NRG1: variants seen among roughly 807,000 people sequenced by gnomAD.
NRG1 encodes pro-neuregulin-1, membrane-bound isoform.
In NRG1, 18 loss-of-function variants were observed where a neutral mutation model predicts 63.8. The observed-to-expected ratio is 0.28, with a 90% CI of 0.19 to 0.42. The LOEUF is 0.42. Among genes scored for constraint, NRG1 ranks in the 10% least tolerant of loss-of-function variants. The pLI is 1.00. For missense variants in NRG1, 762 were observed against 814.7 expected (o/e 0.94, Z 0.79); for synonymous variants, 302 against 301.3 (o/e 1.00, Z -0.02).
At position 32,059,552 on chromosome 8, in the gene NRG1, T is replaced by G. The variant is rs138082225; in HGVS notation, c.37+420121T>G. Among the ~76,000 whole-genome samples, 832 of 152,132 alleles carry G rather than the reference T, an allele frequency of 5.5e-3. 4 individuals are homozygous for G. The highest frequency in any genetic ancestry group is 0.019 in the African/African-American group (776 of 41,552). On this transcript the variant is annotated intron_variant, in intron 1 of 10. Transcript: ENST00000519301. ...GCATACTCTCATATTTGTGTGACCCTTTGGCCGACGATAGAATTCTAGGTT... is the reference window on the plus strand; with the variant it reads ...GCATACTCTCATATTTGTGTGACCCGTTGGCCGACGATAGAATTCTAGGTT...
At chr8:31,938,117 A>G (rs924830363) in intron 1 of NRG1, among the ~76,000 whole-genome samples, 1 of 152,162 alleles carries the variant, frequency 6.6e-6, no homozygotes, top group Non-Finnish European at 1.5e-5. Flanking sequence ...AAACCAGTGC[A>G]TTAAACAAAA....
chr8:32,727,539 A>G (rs1020564351), intron 5 of NRG1, among the ~76,000 whole-genome samples: 1 of 152,168 alleles, frequency 6.6e-6, no homozygotes, highest in African/African-American at 2.4e-5. Flanking sequence ...AAAATAAATA[A>G]TTTTATCAAT....
At chr8:32,756,906 AT>A (rs1441547860) in intron 9 of NRG1, among the ~76,000 whole-genome samples, 34 of 152,208 alleles carry the variant, frequency 2.2e-4, no homozygotes, top group Non-Finnish European at 2.6e-4. Flanking sequence ...TCTGTAACTG[AT>A]TAGTACAGAT....
At chr8:31,870,057 T>C (rs944317448) in intron 1 of NRG1, among the ~76,000 whole-genome samples, 3 of 152,208 alleles carry the variant, frequency 2.0e-5, no homozygotes, top group Admixed American at 1.3e-4. Context: ...ATCTGTTGTA[T>C]GGAGCTGAGG....
chr8:31,918,149 C>T (rs1172943548), intron 1 of NRG1, among the ~76,000 whole-genome samples: 5 of 152,140 alleles, frequency 3.3e-5, no homozygotes. Context: ...CATCTGCAAA[C>T]AGGGACAATT....
In NRG1 at chr8:31,840,349, C is replaced by CTT. The variant is rs71992716; in HGVS notation, c.37+200934_37+200935dup. On this transcript the variant is annotated intron_variant, in intron 1 of 10. Transcript: ENST00000519301. ...AAAGGTCAAATGTGCTATTCTCTGTCTTTTTTTTTTTTTTTTTGGTCTGAA... is the reference window on the plus strand; with the variant it reads ...AAAGGTCAAATGTGCTATTCTCTGTCTTTTTTTTTTTTTTTTTTTGGTCTGAA... Among the ~76,000 whole-genome samples, 157 of 116,860 alleles carry CTT rather than the reference C, an allele frequency of 1.3e-3. 3 individuals carry two copies. The highest frequency in any genetic ancestry group is 4.4e-3 in the African/African-American group (138 of 31,084). The allele number at this position is 116,860 out of a possible 152,430, so 76.7% of individuals were successfully genotyped here. A position where few individuals can be genotyped will look rare whatever the true frequency, so the allele number is the denominator to read the frequency against.
At chr8:31,851,269 T>C (rs1163666569) in intron 1 of NRG1, among the ~76,000 whole-genome samples, 1 of 152,204 alleles carries the variant, frequency 6.6e-6, no homozygotes, top group East Asian at 1.9e-4. Flanking sequence ...GGAGTAGCCT[T>C]AGTAGCAAAA....
At chr8:31,682,235 G>A (rs1459389491) in intron 1 of NRG1, among the ~76,000 whole-genome samples, 4 of 151,956 alleles carry the variant, frequency 2.6e-5, no homozygotes, top group Non-Finnish European at 4.4e-5. Flanking sequence ...GGCTTCTTTC[G>A]CTTAGTAATA....
At chr8:31,835,410 T>G (rs1352236614) in intron 1 of NRG1, among the ~76,000 whole-genome samples, 1 of 152,240 alleles carries the variant, frequency 6.6e-6, no homozygotes, top group African/African-American at 2.4e-5. Flanking sequence ...TTTGTTTATC[T>G]GTGTCTTTGA....
rs1331051711 is a variant in NRG1, at chr8:32,548,565, C to G, written c.-162C>G. On this transcript the variant is annotated 5_prime_UTR_variant, in exon 1 of 12. Coordinates refer to ENST00000356819, the Ensembl canonical transcript of NRG1. ...CGCCCGCCGCGTCCGCGCCGCGCTC[C>G]CTGCAGGCAACGGGAGACGCCCCCG... The G allele has an allele frequency of 3.9e-6, 5 of 1,273,358 alleles. No individual in the cohort carries two copies. In the East Asian group the frequency reaches 1.6e-4, roughly 41 times the overall value. The allele number at this position is 1,273,358 out of a possible 1,614,324, so 78.9% of individuals were successfully genotyped here.
At chr8:32,378,561 T>C (rs1809922264) in intron 1 of NRG1, among the ~76,000 whole-genome samples, 1 of 152,184 alleles carries the variant, frequency 6.6e-6, no homozygotes, top group Non-Finnish European at 1.5e-5. Flanking sequence ...ATCAAGGGAT[T>C]TGCCCTGATT....
chr8:32,013,663 C>A (rs1442184833), intron 1 of NRG1, among the ~76,000 whole-genome samples: 2 of 152,092 alleles, frequency 1.3e-5, no homozygotes, highest in Non-Finnish European at 2.9e-5. Flanking sequence ...CTGGCATGAT[C>A]TCAGACTCCC....
intron 1 of NRG1, among the ~76,000 whole-genome samples, chr8:31,663,892 G>A (rs1477246400): frequency 1.3e-5 from 2 of 152,110 alleles, no homozygotes; most frequent in African/African-American, 4.8e-5. Flanking sequence ...GAGAGAGAAA[G>A]CAAAGAGAGT....
intron 5 of NRG1, among the ~76,000 whole-genome samples, chr8:32,649,651 T>G (rs1391546142): frequency 6.6e-6 from 1 of 152,166 alleles, no homozygotes; most frequent in Non-Finnish European, 1.5e-5. Context: ...CAGAAAAACT[T>G]GATTTGTGCT....
intron 1 of NRG1, among the ~76,000 whole-genome samples, chr8:32,155,349 A>G (rs1306097291): frequency 1.3e-5 from 2 of 151,976 alleles, no homozygotes; most frequent in Non-Finnish European, 2.9e-5. Context: ...TCTTCCTTCA[A>G]TTTTCTGCTG....
chr8:32,261,358 A>AGTGTGTGT lies in NRG1; in HGVS notation c.38-334446_38-334439dup, dbSNP rs3055547. 3.2e-3 allele frequency among the ~76,000 whole-genome samples: 482 copies of AGTGTGTGT among 148,358 alleles called. 1 individual carries two copies. The highest frequency in any genetic ancestry group is 8.1e-3 in the South Asian group (37 of 4,596). On this transcript the variant is annotated intron_variant, in intron 1 of 10. Coordinates refer to the NRG1 transcript ENST00000519301. The stretch of plus-strand genomic sequence containing the variant: ...CAAGACCTCTACCTATGCTCCTATT[A>AGTGTGTGT]GTGTGTGTGTGTGTGTGTGTGTGTG...
At position 32,533,589 on chromosome 8, in the gene NRG1, TA is replaced by T. The variant is rs199710306; in HGVS notation, c.38-62234del. ...ATTTTTATTCCAAAATTAATTGTCC[TA>T]AAAATAGTACATTTAGCCATGAAAA... On this transcript the variant is annotated intron_variant, in intron 1 of 10. Coordinates refer to the NRG1 transcript ENST00000519301. Among the ~76,000 whole-genome samples, 3 of 152,174 alleles carry T rather than the reference TA, an allele frequency of 2.0e-5. No individual in the cohort carries two copies. The East Asian group carries it at 5.8e-4, about 29-fold the overall frequency.
intron 6 of NRG1, among the ~76,000 whole-genome samples, chr8:32,734,928 A>G (rs183265583): frequency 1.1e-4 from 17 of 152,218 alleles, no homozygotes; most frequent in Admixed American, 6.5e-5. Flanking sequence ...ACAAAACCAT[A>G]CTGGTCTTTG....
chr8:32,629,753 T>C (rs1563805478), intron 5 of NRG1, among the ~76,000 whole-genome samples: 1 of 152,194 alleles, frequency 6.6e-6, no homozygotes, highest in Non-Finnish European at 1.5e-5. Flanking sequence ...TTTATAAAAA[T>C]CAGTTTCTCC....
Sources: gnomAD v4.1 joint callset for allele counts (sites outside exome capture counted in the v4.1 genomes callset) on GRCh38, gnomAD v4.1.1 for gene constraint, MANE v1.5 for transcripts, NCBI Gene and HGNC (gene_info 2026-07-23, HGNC 2026-07-21) for gene names.